The following ZNF880 variants were observed in gnomAD, a reference collection of about 807,000 sequenced individuals.
ZNF880 encodes the protein zinc finger protein LOC400713.
A neutral mutation model predicts 11.8 loss-of-function variants in ZNF880; 12 were observed. That is an observed-to-expected ratio of 1.02 (90% CI 0.65 to 1.65). The LOEUF (loss-of-function observed/expected upper bound fraction) is 1.65, where lower values mean the gene tolerates loss of function less well. Among genes scored for constraint, ZNF880 ranks in the 40% most tolerant of loss-of-function variants. ZNF880 has a pLI of 0.00. For synonymous variants in ZNF880, 210 were observed against 232.4 expected (o/e 0.90, Z 0.88); for missense variants, 601 against 673.9 (o/e 0.89, Z 1.20).
downstream of ZNF880, chr19:52,385,838 C>T (rs550313139): frequency 6.7e-6 from 1 of 148,256 alleles, no homozygotes; most frequent in South Asian, 2.0e-4. Context: ...ACTCTGAAAT[C>T]ACTTCATGTG....
At chr19:52,392,275 C>G in the ZNF880 span, among the ~76,000 whole-genome samples, 3 of 139,872 alleles carry the variant, frequency 2.1e-5, no homozygotes, top group South Asian at 6.7e-4. Flanking sequence ...TTCTCTTTCT[C>G]TCTTTCCTTC....
rs1394522484 is a variant in ZNF880, at chr19:52,385,366, A to G, written c.*52A>G. ...TAATTCACACCTTGCACAGCATGAGATAATTCATTCATGAGAGAGTTCTTA... is the reference window on the plus strand; with the variant it reads ...TAATTCACACCTTGCACAGCATGAGGTAATTCATTCATGAGAGAGTTCTTA... On this transcript the variant is annotated 3_prime_UTR_variant, in exon 4 of 4. Coordinates refer to ENST00000422689, the MANE Select transcript of ZNF880 (RefSeq NM_001145434.2). The G allele has an allele frequency of 3.3e-6, 5 of 1,522,672 alleles. No individual in the cohort carries two copies. Among genetic ancestry groups the G allele is most frequent in the Admixed American group, 2.0e-5 (1 of 49,194 alleles). 94.3% of individuals were successfully genotyped at this position (1,522,672 alleles called of 1,614,324 possible).
intron 3 of ZNF880, 33 bp from the exon 4 acceptor site, chr19:52,383,816 G>A (rs1298597115): frequency 6.7e-7 from 1 of 1,494,974 alleles, no homozygotes; most frequent in Admixed American, 2.5e-5. Flanking sequence ...CATTGTCATG[G>A]GTTGAAGTTC....
At chr19:52,383,245 G>T (rs1041424882) in intron 3 of ZNF880, among the ~76,000 whole-genome samples, 4 of 152,086 alleles carry the variant, frequency 2.6e-5, no homozygotes, top group African/African-American at 9.7e-5. Flanking sequence ...TAAGGCAGTT[G>T]CTTTAAATAC....
At chr19:52,392,230 A>C in the ZNF880 span, among the ~76,000 whole-genome samples, 11 of 152,324 alleles carry the variant, frequency 7.2e-5, no homozygotes, top group Middle Eastern at 3.4e-3. Flanking sequence ...TAATGGAAAC[A>C]GAAGTATGTT....
chr19:52,374,632 C>G (rs1419193931), intron 3 of ZNF880: 17 of 701,942 alleles, frequency 2.4e-5, no homozygotes, highest in Admixed American at 9.1e-5. Flanking sequence ...CCACTGTACC[C>G]TGCAAAACCA....
chr19:52,384,429 T>A lies in ZNF880; in HGVS notation c.849T>A (p.Leu283=). The A allele has an allele frequency of 1.2e-6, 2 of 1,614,084 alleles. No individual in the cohort carries two copies. Among genetic ancestry groups the A allele is most frequent in the Non-Finnish European group, 1.7e-6 (2 of 1,179,984 alleles). ...CGKVFTQNSH[L]ANHHRIHTGE... is the part of the protein sequence containing the mutation. Reference sequence around the variant, plus strand: ...AAGTCTTCACTCAAAATTCTCACCTTGCAAATCATCACAGAATCCACACTG... The same window carrying A: ...AAGTCTTCACTCAAAATTCTCACCTAGCAAATCATCACAGAATCCACACTG... Residue 283 remains leucine (L), a synonymous_variant, in exon 4 of 4, where the codon CTT becomes CTA. Coordinates refer to ENST00000422689, the MANE Select transcript of ZNF880 (RefSeq NM_001145434.2).
intron 1 of ZNF880, among the ~76,000 whole-genome samples, chr19:52,372,717 T>C (rs1458909048): frequency 2.0e-5 from 3 of 147,934 alleles, no homozygotes; most frequent in Non-Finnish European, 3.0e-5. Context: ...CTGTGTAACA[T>C]GGTGAAACCG....
intron 3 of ZNF880, among the ~76,000 whole-genome samples, chr19:52,383,379 G>C (rs1242037637): frequency 6.6e-6 from 1 of 151,812 alleles, no homozygotes; most frequent in Non-Finnish European, 1.5e-5. Flanking sequence ...GTTTAGGTTT[G>C]GTAAAGCAAC....
At chr19:52,370,372 G>A in intron 1 of ZNF880, 1 of 222,222 alleles carries the variant, frequency 4.5e-6, no homozygotes, top group South Asian at 8.3e-5. Flanking sequence ...AGAGGAAATC[G>A]ATCTGATGTT....
chr19:52,383,220 G>T (rs1232747954), intron 3 of ZNF880, among the ~76,000 whole-genome samples: 1 of 151,994 alleles, frequency 6.6e-6, no homozygotes, highest in Non-Finnish European at 1.5e-5. Context: ...ATCTTTTTTA[G>T]CTCATTAAGC....
At chr19:52,369,062 GA>G (rs76182462), upstream of ZNF880, among the ~76,000 whole-genome samples, 3,721 of 142,320 alleles carry the variant, frequency 0.026, 161 homozygotes, top group African/African-American at 0.091. Flanking sequence ...ATATAAATAT[GA>G]AAAAAAAAAA....
At chr19:52,375,340 C>T (rs1295003841) in intron 3 of ZNF880, among the ~76,000 whole-genome samples, 1 of 151,438 alleles carries the variant, frequency 6.6e-6, no homozygotes, top group Non-Finnish European at 1.5e-5. Flanking sequence ...GCGTGCACCA[C>T]CAAGCCTGGC....
the ZNF880 span, among the ~76,000 whole-genome samples, chr19:52,394,425 G>C: frequency 6.6e-6 from 1 of 151,048 alleles, no homozygotes; most frequent in Non-Finnish European, 1.5e-5. Flanking sequence ...TGTAGAGATG[G>C]GGTTTCACCA....
intron 3 of ZNF880, among the ~76,000 whole-genome samples, chr19:52,377,326 G>A (rs1236039661): frequency 6.6e-6 from 1 of 151,956 alleles, no homozygotes; most frequent in Non-Finnish European, 1.5e-5. Context: ...GTGGAGATAG[G>A]GAAAATCCAG....
chr19:52,383,829 C>T lies in ZNF880; in HGVS notation c.269-20C>T. 6.6e-7 allele frequency: 1 copy of T among 1,505,308 alleles called. No individual in the cohort carries two copies. The highest frequency in any genetic ancestry group is 8.9e-7 in the Non-Finnish European group (1 of 1,129,330). 93.2% of individuals were successfully genotyped at this position (1,505,308 alleles called of 1,614,324 possible). ...GCCATTGTCATGGGTTGAAGTTCCACTTTTTTCTTTCTTTTTTAGAGAGCA... is the reference window on the plus strand; with the variant it reads ...GCCATTGTCATGGGTTGAAGTTCCATTTTTTTCTTTCTTTTTTAGAGAGCA... On this transcript the variant is annotated intron_variant, in intron 3 of 3. Coordinates refer to ENST00000422689, the MANE Select transcript of ZNF880 (RefSeq NM_001145434.2).
the ZNF880 span, chr19:52,394,702 C>T: frequency 1.3e-5 from 2 of 152,098 alleles, no homozygotes; most frequent in Non-Finnish European, 2.9e-5. Flanking sequence ...AAAATTTATT[C>T]TTTTATAATT....
chr19:52,379,418 T>TA (rs1986646339), intron 3 of ZNF880: 1 of 422,598 alleles, frequency 2.4e-6, no homozygotes, highest in Non-Finnish European at 4.6e-6. Flanking sequence ...TTTTTTTTGA[T>TA]AGAGTCTCGC....
chr19:52,368,311 T>C (rs1986221500), upstream of ZNF880, among the ~76,000 whole-genome samples: 1 of 152,126 alleles, frequency 6.6e-6, no homozygotes, highest in African/African-American at 2.4e-5. Context: ...TCTTTTTAAG[T>C]CACACACAGA....
Sources: gnomAD v4.1 joint callset for allele counts (sites outside exome capture counted in the v4.1 genomes callset) on GRCh38, gnomAD v4.1.1 for gene constraint, MANE v1.5 for transcripts, NCBI Gene and HGNC (gene_info 2026-07-23, HGNC 2026-07-21) for gene names.